FBXL17: variants seen among roughly 807,000 people sequenced by gnomAD.
FBXL17 encodes the protein F-box/LRR-repeat protein 17.
Under a neutral mutation model 66.2 loss-of-function variants are expected in FBXL17, and 22 were observed. The observed-to-expected ratio is 0.33, with a 90% confidence interval of 0.24 to 0.47. The LOEUF (loss-of-function observed/expected upper bound fraction) is 0.47. FBXL17 is among the 20% of genes least tolerant of loss of function. The probability of loss-of-function intolerance (pLI) is 1.00; values close to 1 mark genes in which losing one functional copy is unlikely to be tolerated. For missense variants in FBXL17, 878 were observed against 948.2 expected, an observed-to-expected ratio of 0.93 and a Z score of 0.97; for synonymous variants, 474 against 400.5, an observed-to-expected ratio of 1.18 and a Z score of -2.19.
At chr5:108,315,757 C>T (rs1352028717) in intron 4 of FBXL17, among the ~76,000 whole-genome samples, 1 of 151,404 alleles carries the variant, frequency 6.6e-6, no homozygotes, top group Non-Finnish European at 1.5e-5. Flanking sequence ...TAATCAAAAT[C>T]ATTTAATAAT....
At chr5:108,192,472 T>C (rs1451642394) in intron 5 of FBXL17, among the ~76,000 whole-genome samples, 1 of 152,170 alleles carries the variant, frequency 6.6e-6, no homozygotes, top group East Asian at 1.9e-4. Context: ...AAGACTAAAA[T>C]TAGTCAATGA....
At chr5:108,314,683 T>C (rs576954963) in intron 4 of FBXL17, among the ~76,000 whole-genome samples, 8 of 151,708 alleles carry the variant, frequency 5.3e-5, no homozygotes, top group Admixed American at 2.6e-4. Context: ...CTGAAATTAC[T>C]ACTTCTAAGA....
intron 6 of FBXL17, among the ~76,000 whole-genome samples, chr5:108,093,657 T>C (rs1002982898): frequency 1.3e-5 from 2 of 152,230 alleles, no homozygotes; most frequent in African/African-American, 4.8e-5. Flanking sequence ...CTGACAGTTT[T>C]TAACATCTTC....
chr5:108,063,165 C>T (rs288140), intron 6 of FBXL17, among the ~76,000 whole-genome samples: 105,271 of 151,978 alleles, frequency 0.69, 37,296 homozygotes, highest in East Asian at 0.93. Flanking sequence ...CTTCTGTAAC[C>T]TCTCACAATG....
chr5:108,152,532 G>A (rs1233361982), intron 6 of FBXL17, among the ~76,000 whole-genome samples: 1 of 152,116 alleles, frequency 6.6e-6, no homozygotes, highest in African/African-American at 2.4e-5. Context: ...TGATTCAGCA[G>A]GATACTGGAT....
chr5:108,201,694 T>G (rs1753901220), intron 5 of FBXL17, among the ~76,000 whole-genome samples: 1 of 151,994 alleles, frequency 6.6e-6, no homozygotes, highest in African/African-American at 2.4e-5. Flanking sequence ...CAAACCTGGT[T>G]TCTCTAATTC....
intron 6 of FBXL17, among the ~76,000 whole-genome samples, chr5:108,177,932 T>TACACACAC (rs1554072223): frequency 4.7e-5 from 6 of 126,884 alleles, no homozygotes; most frequent in South Asian, 2.4e-4. Flanking sequence ...TATATATATA[T>TACACACAC]ACACACACAC....
intron 6 of FBXL17, among the ~76,000 whole-genome samples, chr5:108,048,433 T>G (rs1396579122): frequency 6.6e-6 from 1 of 152,124 alleles, no homozygotes; most frequent in Middle Eastern, 3.2e-3. Flanking sequence ...CCAGCAAGGT[T>G]ACAGAACTGG....
intron 7 of FBXL17, among the ~76,000 whole-genome samples, chr5:107,948,323 T>A (rs1049468552): frequency 5.3e-5 from 8 of 152,192 alleles, no homozygotes; most frequent in African/African-American, 1.9e-4. Flanking sequence ...ATAATAATTG[T>A]GACTATAATA....
intron 4 of FBXL17, among the ~76,000 whole-genome samples, chr5:108,306,465 T>C (rs1758846383): frequency 6.6e-6 from 1 of 152,090 alleles, no homozygotes; most frequent in Non-Finnish European, 1.5e-5. Flanking sequence ...TGAAATATAC[T>C]AGCTGTCATC....
intron 4 of FBXL17, among the ~76,000 whole-genome samples, chr5:108,338,200 A>AGCC (rs67836153): frequency 4.6e-4 from 2 of 4,354 alleles, no homozygotes; most frequent in Admixed American, 5.4e-3. Flanking sequence ...ATGAAAAGCT[A>AGCC]GAACATGATG....
intron 4 of FBXL17, among the ~76,000 whole-genome samples, chr5:108,277,239 A>G (rs541179274): frequency 1.3e-5 from 2 of 152,282 alleles, no homozygotes; most frequent in East Asian, 3.9e-4. Flanking sequence ...AAATTTTTCA[A>G]CAAGCTAGCA....
At chr5:107,997,774 G>GTGAA (rs1753537636) in intron 7 of FBXL17, among the ~76,000 whole-genome samples, 1 of 152,158 alleles carries the variant, frequency 6.6e-6, no homozygotes, top group Admixed American at 6.5e-5. Flanking sequence ...GAGGTAGGAG[G>GTGAA]TGAACTTAAG....
chr5:107,935,696 G>C (rs1750884028), intron 7 of FBXL17, among the ~76,000 whole-genome samples: 1 of 151,836 alleles, frequency 6.6e-6, no homozygotes, highest in Non-Finnish European at 1.5e-5. Flanking sequence ...TGGTATAAAG[G>C]GCCATTTTCC....
chr5:108,047,662 C>A (rs1747309078), intron 6 of FBXL17, among the ~76,000 whole-genome samples: 1 of 152,188 alleles, frequency 6.6e-6, no homozygotes, highest in African/African-American at 2.4e-5. Context: ...GCTCAACACA[C>A]CGGCTGTGGC....
intron 5 of FBXL17, among the ~76,000 whole-genome samples, chr5:108,200,969 G>A (rs928863413): frequency 6.6e-6 from 1 of 152,138 alleles, no homozygotes; most frequent in Non-Finnish European, 1.5e-5. Context: ...AAAATTATTA[G>A]AGAAAATAAT....
At chr5:107,874,118 C>T (rs1173930869) in intron 8 of FBXL17, among the ~76,000 whole-genome samples, 3 of 152,076 alleles carry the variant, frequency 2.0e-5, no homozygotes, top group South Asian at 4.2e-4. Flanking sequence ...TGACTTCTAC[C>T]GGTTCCAGGT....
chr5:108,336,542 G>A (rs1323832451), intron 4 of FBXL17, among the ~76,000 whole-genome samples: 1 of 152,134 alleles, frequency 6.6e-6, no homozygotes, highest in East Asian at 1.9e-4. Flanking sequence ...TATCTTCAAT[G>A]AGATGTACAA....
chr5:108,355,260 C>CTTTATTTATTTATTTA (rs144119979), intron 3 of FBXL17, among the ~76,000 whole-genome samples: 17 of 141,410 alleles, frequency 1.2e-4, no homozygotes, highest in African/African-American at 4.4e-4. Context: ...GGATGAAAAA[C>CTTTATTTATTTATTTA]TTTATTTATT....
Sources: gnomAD v4.1 joint callset for allele counts (sites outside exome capture counted in the v4.1 genomes callset) on GRCh38, gnomAD v4.1.1 for gene constraint, MANE v1.5 for transcripts, NCBI Gene and HGNC (gene_info 2026-07-23, HGNC 2026-07-21) for gene names.